Variants in NT5DC3 observed in about 807,000 individuals in gnomAD.
The protein encoded by NT5DC3 is 5'-nucleotidase domain containing 3, also known as 5'-nucleotidase domain-containing protein 3.
In NT5DC3, 42 loss-of-function variants were observed where a neutral mutation model predicts 67.8. The ratio of observed to expected loss-of-function variants is 0.62; its 90% CI spans 0.48 to 0.80. The LOEUF (loss-of-function observed/expected upper bound fraction) is 0.80, where lower values mean the gene tolerates loss of function less well. NT5DC3 is among the 30% of genes least tolerant of loss of function. The probability of loss-of-function intolerance (pLI) is 0.00; values close to 1 mark genes in which losing one functional copy is unlikely to be tolerated. For synonymous variants in NT5DC3, 237 were observed against 255.6 expected (o/e 0.93, Z 0.69); for missense variants, 570 against 696.4 (o/e 0.82, Z 2.04).
At chr12:103,817,619 C>T (rs946591457) in intron 1 of NT5DC3, among the ~76,000 whole-genome samples, 1 of 152,122 alleles carries the variant, frequency 6.6e-6, no homozygotes, top group Non-Finnish European at 1.5e-5. Context: ...ATCCTTCCCA[C>T]AACCTTAGGA....
chr12:103,799,959 G>A (rs962279275), intron 4 of NT5DC3, among the ~76,000 whole-genome samples: 1 of 152,120 alleles, frequency 6.6e-6, no homozygotes, highest in Non-Finnish European at 1.5e-5. Flanking sequence ...CTCCTGTGGA[G>A]GAGAAAGTGC....
At chr12:103,807,269 C>T (rs1886840495) in intron 2 of NT5DC3, among the ~76,000 whole-genome samples, 3 of 152,204 alleles carry the variant, frequency 2.0e-5, no homozygotes, top group Non-Finnish European at 4.4e-5. Flanking sequence ...AGGAACACAT[C>T]GGCTTCAATC....
chr12:103,759,243 C>T, the NT5DC3 span: 2 of 1,614,050 alleles, frequency 1.2e-6, no homozygotes, highest in African/African-American at 1.3e-5. Flanking sequence ...GCAAGCTGCT[C>T]ATCACTGCCA....
At chr12:103,805,845 CAAAAAAAAAAAA>C (rs34163004) in intron 4 of NT5DC3, among the ~76,000 whole-genome samples, 1 of 48,768 alleles carries the variant, frequency 2.1e-5, no homozygotes, top group East Asian at 7.8e-4. Context: ...GACTCCACCT[CAAAAAAAAAAAA>C]AAAAAAAAAA....
At chr12:103,811,232 G>C (rs1887016965) in intron 2 of NT5DC3, among the ~76,000 whole-genome samples, 1 of 140,758 alleles carries the variant, frequency 7.1e-6, no homozygotes, top group Middle Eastern at 3.5e-3. Flanking sequence ...ACGCCTTGGA[G>C]TGTATGTTCT....
At chr12:103,753,205 C>G in the NT5DC3 span, 1 of 1,613,746 alleles carries the variant, frequency 6.2e-7, no homozygotes, top group Non-Finnish European at 8.5e-7. Flanking sequence ...GCGATTCCTC[C>G]TCTTCCTCAT....
chr12:103,816,370 T>A (rs2139425580), intron 1 of NT5DC3, among the ~76,000 whole-genome samples: 1 of 152,348 alleles, frequency 6.6e-6, no homozygotes. Flanking sequence ...TCAGATCAGG[T>A]ATGTCCAACC....
rs1365923183 is a variant in NT5DC3 at position 103,777,635 on chromosome 12, G to T, written c.*194C>A. On this transcript the variant is annotated 3_prime_UTR_variant, in exon 14 of 14. Coordinates refer to ENST00000392876, the MANE Select transcript of NT5DC3 (RefSeq NM_001031701.3). ...GAAGCTTGCCTTTCAGCCCTGCATG[G>T]GGGGAAAGGCTGGAGGGGTGGGCTG... 2 of 631,274 alleles carry T rather than the reference G, an allele frequency of 3.2e-6. No homozygotes were observed. The highest frequency in any genetic ancestry group is 2.8e-5 in the East Asian group (1 of 35,546). 39.1% of individuals were successfully genotyped at this position (631,274 alleles called of 1,614,324 possible). A position where few individuals can be genotyped will look rare whatever the true frequency, so the allele number is the denominator to read the frequency against.
chr12:103,749,162 T>C, the NT5DC3 span: 1 of 1,588,996 alleles, frequency 6.3e-7, no homozygotes. Flanking sequence ...GCCCGGTGAG[T>C]CGCTCTTTCC....
the NT5DC3 span, chr12:103,755,789 A>T: frequency 6.9e-7 from 1 of 1,452,402 alleles, no homozygotes; most frequent in Non-Finnish European, 9.6e-7. Flanking sequence ...TAGAGGGGTG[A>T]GGCCTTAAGC....
intron 1 of NT5DC3, among the ~76,000 whole-genome samples, chr12:103,840,428 CCCA>C (rs1888356922): frequency 1.3e-5 from 2 of 149,376 alleles, no homozygotes; most frequent in African/African-American, 2.5e-5. Flanking sequence ...CTCATTCCAT[CCCA>C]TTCCATCCCA....
At chr12:103,782,948 T>G (rs555553521) in intron 12 of NT5DC3, among the ~76,000 whole-genome samples, 1 of 152,180 alleles carries the variant, frequency 6.6e-6, no homozygotes, top group African/African-American at 2.4e-5. Context: ...ATCGCGCCAC[T>G]GCACTCCAGC....
At chr12:103,758,525 A>G in the NT5DC3 span, among the ~76,000 whole-genome samples, 5 of 152,334 alleles carry the variant, frequency 3.3e-5, no homozygotes. Flanking sequence ...ATCGTCCAAC[A>G]GGCTAGCCCA....
At chr12:103,835,073 C>T (rs1888089208) in intron 1 of NT5DC3, among the ~76,000 whole-genome samples, 1 of 152,144 alleles carries the variant, frequency 6.6e-6, no homozygotes, top group Admixed American at 6.5e-5. Flanking sequence ...CATCTGTTTA[C>T]CAGAATCCTC....
chr12:103,804,376 C>G (rs1200764567), intron 4 of NT5DC3, among the ~76,000 whole-genome samples: 1 of 152,156 alleles, frequency 6.6e-6, no homozygotes, highest in African/African-American at 2.4e-5. Flanking sequence ...CCACCACAAG[C>G]TGCAGAAAGG....
intron 9 of NT5DC3, 132 bp from the exon 10 acceptor site, chr12:103,789,051 A>G: frequency 1.5e-6 from 1 of 670,892 alleles, no homozygotes; most frequent in Non-Finnish European, 2.7e-6. Flanking sequence ...CCAAAACTCC[A>G]CCATCATATT....
At chr12:103,819,030 A>G (rs1411416463) in intron 1 of NT5DC3, among the ~76,000 whole-genome samples, 1 of 152,230 alleles carries the variant, frequency 6.6e-6, no homozygotes, top group Non-Finnish European at 1.5e-5. Context: ...TTGGCAAGAA[A>G]GTCTCCCTCC....
At chr12:103,820,125 C>T (rs924130926) in intron 1 of NT5DC3, among the ~76,000 whole-genome samples, 1 of 152,158 alleles carries the variant, frequency 6.6e-6, no homozygotes, top group African/African-American at 2.4e-5. Context: ...AGACATAAAC[C>T]ACCTTTTGTT....
chr12:103,793,980 G>A lies in NT5DC3; in HGVS notation c.771C>T (p.Val257=). 6.2e-7 allele frequency: 1 copy of A among 1,613,698 alleles called. No homozygotes were observed. The highest frequency in any genetic ancestry group is 8.5e-7 in the Non-Finnish European group (1 of 1,179,632). Residue 257 remains valine, a synonymous_variant, in exon 7 of 14, where the codon GTC becomes GTT. Transcript: ENST00000392876. The part of the protein sequence containing the change: ...YKDVKDSIRD[V]HIKGIMYRAI... The stretch of plus-strand genomic sequence containing the variant: ...CTCTGTACATTATTCCTTTGATGTG[G>A]ACGTCTCGAATTGAATCCTGCCAAA...
Sources: allele counts gnomAD v4.1 joint callset (sites outside exome capture counted in the v4.1 genomes callset), GRCh38; gene constraint gnomAD v4.1.1; transcripts MANE v1.5; gene names NCBI Gene and HGNC (gene_info 2026-07-23, HGNC 2026-07-21).